Variants in PPIP5K2 observed in about 807,000 individuals in gnomAD.
PPIP5K2 encodes the protein inositol hexakisphosphate and diphosphoinositol-pentakisphosphate kinase 2.
A neutral mutation model predicts 154.6 loss-of-function variants in PPIP5K2; 105 were observed. The observed-to-expected ratio is 0.68, with a 90% CI of 0.58 to 0.80. The LOEUF (loss-of-function observed/expected upper bound fraction) is 0.80, where lower values mean the gene tolerates loss of function less well. Ranked by LOEUF, PPIP5K2 falls within the 30% of genes least tolerant of loss-of-function variation. The pLI, the probability that PPIP5K2 is intolerant of heterozygous loss-of-function variation, is 0.00. For synonymous variants in PPIP5K2, 480 were observed against 490.3 expected, an observed-to-expected ratio of 0.98 and a Z score of 0.28; for missense variants, 992 against 1,504.6, an observed-to-expected ratio of 0.66 and a Z score of 5.64.
chr5:103,200,556 C>T (rs1466222502), intron 30 of PPIP5K2, among the ~76,000 whole-genome samples: 1 of 151,866 alleles, frequency 6.6e-6, no homozygotes, highest in Non-Finnish European at 1.5e-5. Context: ...CTTACCCATA[C>T]ATCTATTCAT....
intron 24 of PPIP5K2, among the ~76,000 whole-genome samples, chr5:103,182,591 A>T (rs898763534): frequency 1.2e-4 from 18 of 152,192 alleles, no homozygotes; most frequent in African/African-American, 4.1e-4. Flanking sequence ...ACATGCAAAC[A>T]TGTAAAATGA....
intron 17 of PPIP5K2, 32 bp downstream of exon 17, chr5:103,159,360 T>G: frequency 6.6e-7 from 1 of 1,512,326 alleles, no homozygotes; most frequent in Non-Finnish European, 9.0e-7. Flanking sequence ...TATTGTGAAA[T>G]ATTACACACA....
In PPIP5K2 at chr5:103,205,772, T is replaced by C. The variant is rs1232065807; in HGVS notation, c.*4138T>C. On this transcript the variant is annotated 3_prime_UTR_variant, in exon 31 of 31. Coordinates refer to ENST00000358359, the MANE Select transcript of PPIP5K2 (RefSeq NM_001276277.3). ...TAGATTTTCATTATAGGTTTTACCT[T>C]ATCATTATTAAAATGTCCTTTTTGT... 2 of 152,204 alleles carry C rather than the reference T, an allele frequency of 1.3e-5. No individual in the cohort carries two copies. Among genetic ancestry groups the C allele is most frequent in the Non-Finnish European group, 2.9e-5 (2 of 68,038 alleles). The allele number at this position is 152,204 out of a possible 1,614,324, so 9.4% of individuals were successfully genotyped here.
At chr5:103,145,164 T>A (rs1446002011) in intron 5 of PPIP5K2, among the ~76,000 whole-genome samples, 2 of 152,112 alleles carry the variant, frequency 1.3e-5, no homozygotes, top group Non-Finnish European at 2.9e-5. Flanking sequence ...ATGCTCAACG[T>A]CACCAATCAT....
chr5:103,190,782 A>G, intron 28 of PPIP5K2, 60 bp from the exon 29 acceptor site: 1 of 1,458,108 alleles, frequency 6.9e-7, no homozygotes, highest in Non-Finnish European at 9.2e-7. Context: ...TTCCTTTCTA[A>G]TTACTGATTT....
chr5:103,193,431 GT>G (rs1305203534), intron 29 of PPIP5K2, among the ~76,000 whole-genome samples: 1 of 151,740 alleles, frequency 6.6e-6, no homozygotes, highest in Non-Finnish European at 1.5e-5. Context: ...GTCCTTCCAA[GT>G]TTTTTTCCTC....
At position 103,168,217 on chromosome 5, in the gene PPIP5K2, T is replaced by C; in HGVS notation, c.2208T>C (p.His736=). ...IYDCIKYDVQ[H]NGSLKLENTM... is the part of the protein sequence containing the mutation. The stretch of plus-strand genomic sequence containing the variant: ...ACTGTATAAAATATGATGTCCAGCA[T>C]AATGGTTCCTTGAAATTAGAAAACA... The change falls in exon 19 of 31, where the codon CAT becomes CAC. Residue 736 remains histidine, a synonymous_variant. Coordinates refer to ENST00000358359, the MANE Select transcript of PPIP5K2 (RefSeq NM_001276277.3). The C allele has an allele frequency of 6.2e-7, 1 of 1,610,034 alleles. No homozygotes were observed. Among genetic ancestry groups the C allele is most frequent in the Admixed American group, 1.7e-5 (1 of 59,802 alleles).
Position 103,125,457 on chromosome 5 carries a change from GT to G in PPIP5K2, c.-284-3836del, listed in dbSNP as rs10642392. 1.3e-3 allele frequency among the ~76,000 whole-genome samples: 189 copies of G among 144,148 alleles called. 2 individuals carry two copies. Among genetic ancestry groups the G allele is most frequent in the Middle Eastern group, 3.6e-3 (1 of 278 alleles). 94.6% of individuals were successfully genotyped at this position (144,148 alleles called of 152,430 possible). On this transcript the variant is annotated intron_variant, in intron 1 of 30. Coordinates refer to ENST00000358359, the MANE Select transcript of PPIP5K2 (RefSeq NM_001276277.3). ...ATGCTCTTAACCACTAGCCTGTTCA[GT>G]TTTTTTTTTTTTATATGACATCTCT...
chr5:103,155,043 T>G, intron 13 of PPIP5K2, 100 bp downstream of exon 13: 1 of 642,106 alleles, frequency 1.6e-6, no homozygotes, highest in Non-Finnish European at 2.4e-6. Context: ...GTCTGATCTT[T>G]TTACTCTTTG....
At chr5:103,155,086 T>C (rs1014650182) in intron 13 of PPIP5K2, 143 bp downstream of exon 13, 8 of 458,400 alleles carry the variant, frequency 1.7e-5, no homozygotes, top group Non-Finnish European at 2.9e-5. Context: ...GAAAATCTAA[T>C]GTGAAAAAAA....
chr5:103,142,560 G>A lies in PPIP5K2; in HGVS notation c.488-3967G>A, dbSNP rs1467411329. ...CCCAGGCAGAGGAGGCGCCAAGAGC[G>A]AGCGAGGGCTGTGAGGACTGCTAGC... On this transcript the variant is annotated intron_variant, in intron 5 of 30. Transcript: ENST00000358359. Among the ~76,000 whole-genome samples the A allele has an allele frequency of 3.3e-5, 5 of 152,210 alleles. No individual in the cohort carries two copies. The East Asian group carries it at 7.7e-4, about 24-fold the overall frequency.
At position 103,212,715 on chromosome 5, in the gene PPIP5K2, G is replaced by A. The variant is rs1489555367; in HGVS notation, c.*11081G>A. On this transcript the variant is annotated 3_prime_UTR_variant, in exon 31 of 31. Transcript: ENST00000358359. ...TAAAAGCTTTGTAAAATAAAGTGAT[G>A]TTAAGCTACTATTGTAAAGTTAAAA... 1 of 152,054 alleles carries A rather than the reference G, an allele frequency of 6.6e-6. No homozygotes were observed. The highest frequency in any genetic ancestry group is 1.9e-4 in the East Asian group (1 of 5,200). 9.4% of individuals were successfully genotyped at this position (152,054 alleles called of 1,614,324 possible).
At chr5:103,168,017 ATATT>A in intron 18 of PPIP5K2, 51 bp from the exon 19 acceptor site, 3 of 1,093,850 alleles carry the variant, frequency 2.7e-6, no homozygotes, top group Non-Finnish European at 4.0e-6. Context: ...ATATTAATAT[ATATT>A]CTAAATCAGA....
chr5:103,184,687 G>A lies in PPIP5K2; in HGVS notation c.3112G>A (p.Ala1038Thr), dbSNP rs1800078853. The A allele has an allele frequency of 1.9e-6, 3 of 1,611,716 alleles. No individual in the cohort carries two copies. The highest frequency in any genetic ancestry group is 2.5e-6 in the Non-Finnish European group (3 of 1,178,196). The change falls in exon 26 of 31, where the codon GCT becomes ACT. Residue 1038 changes from alanine (A) to threonine (T), a missense_variant. Transcript: ENST00000358359. ...GSWQQVVSEN[A>T]NYLRTPRTLV... ...CCTTATGCAGGTTGTATCTGAAAAT[G>A]CTAATTACCTGAGAACACCAAGAAC...
chr5:103,161,955 T>C (rs782168182), intron 17 of PPIP5K2, among the ~76,000 whole-genome samples: 4 of 152,196 alleles, frequency 2.6e-5, no homozygotes, highest in Non-Finnish European at 4.4e-5. Flanking sequence ...CTCTTGAGTT[T>C]AATTAGATCC....
chr5:103,200,614 TTTTATTTA>T lies in PPIP5K2; in HGVS notation c.3620-881_3620-874del, dbSNP rs146954556. Among the ~76,000 whole-genome samples the T allele has an allele frequency of 1.8e-3, 262 of 149,270 alleles. 5 individuals are homozygous for T. In the East Asian group the frequency reaches 0.031, roughly 18 times the overall value. On this transcript the variant is annotated intron_variant, in intron 30 of 30. Coordinates refer to ENST00000358359, the MANE Select transcript of PPIP5K2 (RefSeq NM_001276277.3). ...TAATGCCACCTAGAATGGTTTTTTA[TTTTATTTA>T]TTTATTTATTTATTTATTTATTTAT...
chr5:103,178,453 GTC>G (rs1334567583), intron 23 of PPIP5K2, among the ~76,000 whole-genome samples: 2 of 151,486 alleles, frequency 1.3e-5, no homozygotes, highest in African/African-American at 4.8e-5. Flanking sequence ...TGCTCTATTT[GTC>G]TCTCTCTCTA....
In PPIP5K2 at chr5:103,180,013, G is replaced by A. The variant is rs1554222057; in HGVS notation, c.2755-8G>A. 1.3e-6 allele frequency: 2 copies of A among 1,511,256 alleles called. No homozygotes were observed. The highest frequency in any genetic ancestry group is 2.5e-5 in the East Asian group (1 of 39,982). The allele number at this position is 1,511,256 out of a possible 1,614,324, so 93.6% of individuals were successfully genotyped here. On this transcript the variant is annotated splice_polypyrimidine_tract_variant and splice_region_variant and intron_variant, in intron 23 of 30. Transcript: ENST00000358359. ...ATAGTAAAAGTGTTTTATATTCTTTGCTCACAGAATGAAGGCAGGAGACCT... is the reference window on the plus strand; with the variant it reads ...ATAGTAAAAGTGTTTTATATTCTTTACTCACAGAATGAAGGCAGGAGACCT...
intron 20 of PPIP5K2, 64 bp from the exon 21 acceptor site, chr5:103,173,794 T>G: frequency 9.4e-7 from 1 of 1,059,976 alleles, no homozygotes; most frequent in South Asian, 1.4e-5. Flanking sequence ...AGAAAATAAT[T>G]TCAATATTTA....
Sources: gnomAD v4.1 joint callset for allele counts (sites outside exome capture counted in the v4.1 genomes callset) on GRCh38, gnomAD v4.1.1 for gene constraint, MANE v1.5 for transcripts, NCBI Gene and HGNC (gene_info 2026-07-23, HGNC 2026-07-21) for gene names.